HDAC9: variants seen among roughly 807,000 people sequenced by gnomAD.
HDAC9 encodes the protein MEF-2 interacting transcription repressor (MITR) protein.
In HDAC9, 41 loss-of-function variants were observed where a neutral mutation model predicts 139.4. The observed-to-expected ratio is 0.29, with a 90% CI of 0.23 to 0.38. HDAC9 has a LOEUF of 0.38. Among genes scored for constraint, HDAC9 ranks in the 10% least tolerant of loss-of-function variants. The probability of loss-of-function intolerance (pLI) is 1.00; values close to 1 mark genes in which losing one functional copy is unlikely to be tolerated. For synonymous variants in HDAC9, 517 were observed against 476.2 expected (o/e 1.09, Z -1.12); for missense variants, 1,147 against 1,297.0 (o/e 0.88, Z 1.78).
At chr7:18,341,868 T>C (rs1441744728) in intron 1 of HDAC9, among the ~76,000 whole-genome samples, 1 of 151,792 alleles carries the variant, frequency 6.6e-6, no homozygotes, top group African/African-American at 2.4e-5. Context: ...ATTCTTCAGC[T>C]TTATCTAAGG....
intron 8 of HDAC9, 130 bp downstream of exon 8, chr7:18,634,872 C>G (rs547731394): frequency 1.7e-6 from 1 of 605,116 alleles, no homozygotes; most frequent in Non-Finnish European, 2.9e-6. Context: ...CTCAGTTCCA[C>G]ATATTGTAAA....
chr7:18,256,508 G>A (rs1007923992), intron 2 of HDAC9, among the ~76,000 whole-genome samples: 1 of 152,256 alleles, frequency 6.6e-6, no homozygotes, highest in South Asian at 2.1e-4. Flanking sequence ...CCAATGAAGA[G>A]CCTTTTCTAC....
At chr7:18,561,438 C>T (rs540309266) in intron 2 of HDAC9, among the ~76,000 whole-genome samples, 1 of 152,268 alleles carries the variant, frequency 6.6e-6, no homozygotes, top group South Asian at 2.1e-4. Context: ...ATTATTTTAA[C>T]TGCTTTATTG....
At chr7:18,743,747 G>A (rs1787670037) in intron 13 of HDAC9, among the ~76,000 whole-genome samples, 1 of 151,034 alleles carries the variant, frequency 6.6e-6, no homozygotes, top group South Asian at 2.1e-4. Flanking sequence ...AAAAAAATAA[G>A]ACACCGTAAG....
chr7:18,281,729 TGAA>T (rs1445380479), intron 2 of HDAC9, among the ~76,000 whole-genome samples: 1 of 152,228 alleles, frequency 6.6e-6, no homozygotes, highest in African/African-American at 2.4e-5. Context: ...ACATCTGACT[TGAA>T]GACTAAAATT....
At chr7:18,834,659 A>G (rs1796102288) in intron 19 of HDAC9, among the ~76,000 whole-genome samples, 1 of 152,076 alleles carries the variant, frequency 6.6e-6, no homozygotes, top group Non-Finnish European at 1.5e-5. Flanking sequence ...ATAAAACCCC[A>G]TGCCATCTTT....
chr7:18,913,210 A>G (rs1018738080), intron 22 of HDAC9, among the ~76,000 whole-genome samples: 32 of 152,110 alleles, frequency 2.1e-4, no homozygotes, highest in Admixed American at 1.6e-3. Flanking sequence ...AATATCTTCC[A>G]CATCCCTTCT....
chr7:18,774,485 C>T (rs1790586224), intron 16 of HDAC9, among the ~76,000 whole-genome samples: 1 of 152,006 alleles, frequency 6.6e-6, no homozygotes, highest in South Asian at 2.1e-4. Context: ...TGTTTTGTTT[C>T]TCAGTGTATA....
chr7:18,649,446 A>G (rs1788561550), intron 11 of HDAC9, among the ~76,000 whole-genome samples: 1 of 152,136 alleles, frequency 6.6e-6, no homozygotes, highest in African/African-American at 2.4e-5. Context: ...AATTCCTGGA[A>G]AATATTAAGG....
At chr7:18,459,936 C>A (rs1315315114) in intron 1 of HDAC9, among the ~76,000 whole-genome samples, 1 of 150,152 alleles carries the variant, frequency 6.7e-6, no homozygotes, top group Non-Finnish European at 1.5e-5. Context: ...TGTTAGCCTA[C>A]AGATTTGCTT....
intron 25 of HDAC9, among the ~76,000 whole-genome samples, chr7:18,985,554 G>A (rs896113998): frequency 6.6e-6 from 1 of 151,358 alleles, no homozygotes; most frequent in African/African-American, 2.4e-5. Context: ...CTTTAGAGCA[G>A]CATGATTTAT....
rs187391468 is a variant in HDAC9 at position 18,349,864 on chromosome 7, G to A, written c.-42+59349G>A. 3.9e-5 allele frequency among the ~76,000 whole-genome samples: 6 copies of A among 152,208 alleles called. No homozygotes were observed. In the East Asian group the frequency reaches 1.2e-3, roughly 29 times the overall value. On this transcript the variant is annotated intron_variant, in intron 1 of 3. Coordinates refer to the HDAC9 transcript ENST00000413509. ...AGTGGCTATTCAATATTAATACTTAGTATATTTCAGTTGTTCTTTGCTTTG... is the reference window on the plus strand; with the variant it reads ...AGTGGCTATTCAATATTAATACTTAATATATTTCAGTTGTTCTTTGCTTTG...
intron 1 of HDAC9, among the ~76,000 whole-genome samples, chr7:18,410,372 A>G (rs759184616): frequency 2.0e-5 from 3 of 152,166 alleles, no homozygotes; most frequent in African/African-American, 2.4e-5. Context: ...TGCTGGATGA[A>G]CAATCCTGTT....
intron 1 of HDAC9, among the ~76,000 whole-genome samples, chr7:18,307,122 TGTGTGTGTGTGTGTGTG>T (rs1281503038): frequency 1.1e-4 from 17 of 151,620 alleles, no homozygotes; most frequent in African/African-American, 4.1e-4. Context: ...TGTGTGTGTG[TGTGTGTGTGTGTGTGTG>T]TGTGTTTGTA....
chr7:18,929,848 A>T (rs900577473), intron 22 of HDAC9, among the ~76,000 whole-genome samples: 1 of 152,092 alleles, frequency 6.6e-6, no homozygotes, highest in African/African-American at 2.4e-5. Context: ...CTGAGGCAGG[A>T]GAATTGCTTG....
At chr7:18,980,688 GTTC>G (rs767343371) in intron 25 of HDAC9, among the ~76,000 whole-genome samples, 15 of 141,760 alleles carry the variant, frequency 1.1e-4, no homozygotes, top group Non-Finnish European at 1.8e-4. Flanking sequence ...TGTTCTTCTT[GTTC>G]TTCTTCCTTC....
intron 13 of HDAC9, among the ~76,000 whole-genome samples, chr7:18,739,412 G>A (rs1384937240): frequency 2.0e-5 from 3 of 152,138 alleles, no homozygotes; most frequent in African/African-American, 7.2e-5. Context: ...TCTACCTTTG[G>A]TCTTTGATGT....
At chr7:18,108,656 C>A (rs1783396102) in intron 1 of HDAC9, among the ~76,000 whole-genome samples, 1 of 142,320 alleles carries the variant, frequency 7.0e-6, no homozygotes, top group Admixed American at 7.4e-5. Context: ...CACTCTTGCC[C>A]AGGCTGGAGT....
Position 18,874,571 on chromosome 7 carries a change from A to C in HDAC9, c.2778A>C (p.Leu926=), listed in dbSNP as rs1310433541. 1 of 1,589,810 alleles carries C rather than the reference A, an allele frequency of 6.3e-7. No individual in the cohort carries two copies. Among genetic ancestry groups the C allele is most frequent in the African/African-American group, 1.3e-5 (1 of 74,514 alleles). ...FDALEGHTPP[L]GGYKVTAKCF... ...CATTGGAAGGCCACACCCCTCCTCT[A>C]GGAGGGTACAAAGTGACGGCAAAAT... Residue 926 remains leucine, a synonymous_variant, in exon 22 of 26, where the codon CTA becomes CTC. Transcript: ENST00000686413.
Sources: allele counts gnomAD v4.1 joint callset (sites outside exome capture counted in the v4.1 genomes callset), GRCh38; gene constraint gnomAD v4.1.1; transcripts MANE v1.5; gene names NCBI Gene and HGNC (gene_info 2026-07-23, HGNC 2026-07-21).